GAP43: variants seen among roughly 807,000 people sequenced by gnomAD.
The protein encoded by GAP43 is growth associated protein 43.
Under a neutral mutation model 18.6 loss-of-function variants are expected in GAP43, and 6 were observed. The ratio of observed to expected loss-of-function variants is 0.32; its 90% CI spans 0.18 to 0.64. The LOEUF (loss-of-function observed/expected upper bound fraction) is 0.64. Ranked by LOEUF, GAP43 falls within the 30% of genes least tolerant of loss-of-function variation. The pLI is 0.78. For missense variants in GAP43, 292 were observed against 295.5 expected (o/e 0.99, Z 0.09); for synonymous variants, 115 against 111.4 (o/e 1.03, Z -0.20).
rs532585368 is a variant in GAP43, at chr3:115,718,012, C to T, written c.629-2782C>T. 1.6e-4 allele frequency among the ~76,000 whole-genome samples: 24 copies of T among 152,274 alleles called. 1 individual carries two copies. The South Asian group carries it at 5.0e-3, about 32-fold the overall frequency. ...CTGAATGTTCAAGTTTCTGTTTCTG[C>T]ATTTTTGAGTTTTATTCCCTTTATT... On this transcript the variant is annotated intron_variant, in intron 2 of 2. Coordinates refer to ENST00000305124, the MANE Select transcript of GAP43 (RefSeq NM_002045.4).
rs1314701506 is a variant in GAP43, at chr3:115,683,143, GCGCGCACACACACACA to G, written c.628+6535_628+6550del. 2.9e-4 allele frequency among the ~76,000 whole-genome samples: 37 copies of G among 126,108 alleles called. 1 individual carries two copies. The highest frequency in any genetic ancestry group is 3.7e-4 in the African/African-American group (12 of 32,594). The allele number at this position is 126,108 out of a possible 152,430, so 82.7% of individuals were successfully genotyped here. A position where few individuals can be genotyped will look rare whatever the true frequency, so the allele number is the denominator to read the frequency against. ...TACATGTGCGCGCGCGTGCGCGCGC[GCGCGCACACACACACA>G]CACACACACACACACACACACACAC... is the stretch of plus-strand genomic sequence containing the variant. On this transcript the variant is annotated intron_variant, in intron 2 of 2. Transcript: ENST00000305124.
At chr3:115,625,934 C>A (rs1708182164) in intron 1 of GAP43, among the ~76,000 whole-genome samples, 3 of 152,196 alleles carry the variant, frequency 2.0e-5, no homozygotes, top group African/African-American at 7.2e-5. Context: ...TAGAAATTGT[C>A]CTACTTTGCT....
chr3:115,690,476 G>C lies in GAP43; in HGVS notation c.628+13866G>C, dbSNP rs569074492. 2.8e-4 allele frequency among the ~76,000 whole-genome samples: 43 copies of C among 152,242 alleles called. No homozygotes were observed. The South Asian group carries it at 7.5e-3, about 26-fold the overall frequency. On this transcript the variant is annotated intron_variant, in intron 2 of 2. Transcript: ENST00000305124. The stretch of plus-strand genomic sequence containing the variant: ...ACAGTCTTGGAACTGGACAGTCCTG[G>C]GTTCAACCTCAGGTTCCTCACTGCA...
intron 2 of GAP43, among the ~76,000 whole-genome samples, chr3:115,680,874 A>T (rs1182264288): frequency 6.6e-6 from 1 of 152,236 alleles, no homozygotes; most frequent in East Asian, 1.9e-4. Context: ...GACCCAAGGT[A>T]ACCATCTATT....
At chr3:115,684,294 C>T (rs1250420401) in intron 2 of GAP43, among the ~76,000 whole-genome samples, 3 of 151,982 alleles carry the variant, frequency 2.0e-5, no homozygotes, top group Admixed American at 2.0e-4. Flanking sequence ...AAGCCATTTA[C>T]TTAAAATGGT....
intron 2 of GAP43, among the ~76,000 whole-genome samples, chr3:115,706,286 A>G (rs1709361944): frequency 6.6e-6 from 1 of 152,164 alleles, no homozygotes; most frequent in Non-Finnish European, 1.5e-5. Flanking sequence ...GGATTCCAGC[A>G]TTATGATTAA....
At chr3:115,657,654 G>A (rs1708600547) in intron 1 of GAP43, among the ~76,000 whole-genome samples, 1 of 152,074 alleles carries the variant, frequency 6.6e-6, no homozygotes, top group African/African-American at 2.4e-5. Context: ...ATGAGATTTG[G>A]CCTTGCTCCT....
intron 2 of GAP43, among the ~76,000 whole-genome samples, chr3:115,678,128 G>T (rs1708916958): frequency 6.6e-6 from 1 of 152,188 alleles, no homozygotes; most frequent in Admixed American, 6.5e-5. Flanking sequence ...AAAAAGTGGG[G>T]TGTGGGTTTT....
At position 115,644,612 on chromosome 3, in the gene GAP43, G is replaced by A. The variant is rs561946125; in HGVS notation, c.30+20893G>A. 2.6e-5 allele frequency among the ~76,000 whole-genome samples: 4 copies of A among 152,078 alleles called. No individual in the cohort carries two copies. Among genetic ancestry groups the A allele is most frequent in the Non-Finnish European group, 4.4e-5 (3 of 67,984 alleles). On this transcript the variant is annotated intron_variant, in intron 1 of 2. Coordinates refer to ENST00000305124, the MANE Select transcript of GAP43 (RefSeq NM_002045.4). The surrounding 1 kb of genome is among the most constrained non-coding windows in gnomAD (Gnocchi z 4.2). ...AAGAAAAATCCTTTATGGTTACTGAGTATGCTGTGAATCCACATAGTTGTG... is the reference window on the plus strand; with the variant it reads ...AAGAAAAATCCTTTATGGTTACTGAATATGCTGTGAATCCACATAGTTGTG...
intron 2 of GAP43, among the ~76,000 whole-genome samples, chr3:115,701,305 G>T (rs1335595300): frequency 6.6e-6 from 1 of 152,006 alleles, no homozygotes; most frequent in Non-Finnish European, 1.5e-5. Flanking sequence ...GAGCCCCTCT[G>T]TGAGATCACT....
chr3:115,640,643 C>T (rs1308852327), intron 1 of GAP43, among the ~76,000 whole-genome samples: 1 of 152,052 alleles, frequency 6.6e-6, no homozygotes, highest in Non-Finnish European at 1.5e-5. Context: ...AATTATACGA[C>T]ATTCCAAGAA....
At chr3:115,693,543 T>C (rs373981856) in intron 2 of GAP43, among the ~76,000 whole-genome samples, 1 of 152,172 alleles carries the variant, frequency 6.6e-6, no homozygotes, top group East Asian at 1.9e-4. Flanking sequence ...TTGATATTCA[T>C]TGCTGATTTT....
At chr3:115,698,122 ATT>A (rs1709232056) in intron 2 of GAP43, among the ~76,000 whole-genome samples, 4 of 15,772 alleles carry the variant, frequency 2.5e-4, no homozygotes, top group Non-Finnish European at 6.2e-4. Context: ...TATAATATAT[ATT>A]ATATATAATA....
At chr3:115,718,995 T>C (rs1709544559) in intron 2 of GAP43, among the ~76,000 whole-genome samples, 1 of 152,220 alleles carries the variant, frequency 6.6e-6, no homozygotes, top group African/African-American at 2.4e-5. Context: ...CCCATTTCTC[T>C]AATCTCAACA....
chr3:115,694,036 G>T (rs1175454287), intron 2 of GAP43, among the ~76,000 whole-genome samples: 2 of 152,126 alleles, frequency 1.3e-5, no homozygotes, highest in Admixed American at 6.5e-5. Flanking sequence ...GTGCCCGGTG[G>T]GCTGGCGGAG....
Position 115,676,569 on chromosome 3 carries a change from C to T in GAP43, c.587C>T (p.Pro196Leu). ...GCTGCCAAGGCAACAGCCCAGCCTCCAACGGAGACTGGGGAGAGCAGCCAA... is the reference window on the plus strand; with the variant it reads ...GCTGCCAAGGCAACAGCCCAGCCTCTAACGGAGACTGGGGAGAGCAGCCAA... ...DAAAKATAQPPTETGESSQAE... is the reference protein window; with the variant it reads ...DAAAKATAQPLTETGESSQAE... Residue 196 changes from proline (P) to leucine (L), a missense_variant, in exon 2 of 3, where the codon CCA (proline) becomes CTA (leucine). By Grantham distance (98) the Pro-to-Leu change is moderately conservative (BLOSUM62 -3). Coordinates refer to ENST00000305124, the MANE Select transcript of GAP43 (RefSeq NM_002045.4). 6.2e-7 allele frequency: 1 copy of T among 1,611,384 alleles called. No homozygotes were observed. The highest frequency in any genetic ancestry group is 8.5e-7 in the Non-Finnish European group (1 of 1,179,548).
chr3:115,676,132 G>C lies in GAP43; in HGVS notation c.150G>C (p.Lys50Asn). 1 of 1,614,186 alleles carries C rather than the reference G, an allele frequency of 6.2e-7. No homozygotes were observed. The highest frequency in any genetic ancestry group is 8.5e-7 in the Non-Finnish European group (1 of 1,180,034). The change falls in exon 2 of 3, where the codon AAG becomes AAC. Residue 50 changes from lysine to asparagine, a missense_variant. Physicochemically the swap from Lys to Asn is moderately conservative, Grantham distance 94. Coordinates refer to ENST00000305124, the MANE Select transcript of GAP43 (RefSeq NM_002045.4). ...ASFRGHITRKKLKGEKKDDVQ... is the reference protein window; with the variant it reads ...ASFRGHITRKNLKGEKKDDVQ... ...TCCGTGGACACATAACAAGGAAAAA[G>C]CTCAAAGGAGAGAAGAAGGATGATG...
chr3:115,632,655 G>C (rs1708274739), intron 1 of GAP43, among the ~76,000 whole-genome samples: 2 of 152,028 alleles, frequency 1.3e-5, no homozygotes, highest in Admixed American at 1.3e-4. Flanking sequence ...ATAATAACTG[G>C]ATCAAGTTAG....
intron 2 of GAP43, among the ~76,000 whole-genome samples, chr3:115,689,296 C>T (rs1303194828): frequency 6.6e-6 from 1 of 152,212 alleles, no homozygotes; most frequent in Non-Finnish European, 1.5e-5. Flanking sequence ...TTCTCTCCCT[C>T]TCAGTAGACT....
Sources: gnomAD v4.1 joint callset for allele counts (sites outside exome capture counted in the v4.1 genomes callset) on GRCh38, gnomAD v4.1.1 for gene constraint, Gnocchi (gnomAD v3.1) non-coding constraint, MANE v1.5 for transcripts, NCBI Gene and HGNC (gene_info 2026-07-23, HGNC 2026-07-21) for gene names.